EIPR1: variants seen among roughly 807,000 people sequenced by gnomAD.
EIPR1 encodes EARP complex and GARP complex interacting protein 1, also known as EARP and GARP complex-interacting protein 1.
A neutral mutation model predicts 48.1 loss-of-function variants in EIPR1; 25 were observed. The ratio of observed to expected loss-of-function variants is 0.52; its 90% CI spans 0.38 to 0.73. The LOEUF (loss-of-function observed/expected upper bound fraction) is 0.73, where lower values mean the gene tolerates loss of function less well. Among genes scored for constraint, EIPR1 ranks in the 30% least tolerant of loss-of-function variants. The probability of loss-of-function intolerance (pLI) is 0.00; values close to 1 mark genes in which losing one functional copy is unlikely to be tolerated. For synonymous variants in EIPR1, 204 were observed against 201.9 expected, an observed-to-expected ratio of 1.01 and a Z score of -0.09; for missense variants, 415 against 506.2, an observed-to-expected ratio of 0.82 and a Z score of 1.73.
intron 1 of EIPR1, among the ~76,000 whole-genome samples, chr2:3,367,632 T>C (rs1671006100): frequency 6.6e-6 from 1 of 152,212 alleles, no homozygotes; most frequent in Non-Finnish European, 1.5e-5. Context: ...TGGAATTCTT[T>C]CTAAGGATGC....
At chr2:3,359,120 T>G (rs547581053) in intron 1 of EIPR1, among the ~76,000 whole-genome samples, 9 of 152,254 alleles carry the variant, frequency 5.9e-5, no homozygotes, top group African/African-American at 2.2e-4. Flanking sequence ...TGATAGACGA[T>G]TAAGTATCAA....
chr2:3,352,580 C>T (rs1040965029), intron 2 of EIPR1, among the ~76,000 whole-genome samples: 1 of 152,268 alleles, frequency 6.6e-6, no homozygotes, highest in African/African-American at 2.4e-5. Flanking sequence ...AAAACAGATA[C>T]TCCTGCTGTT....
intron 3 of EIPR1, among the ~76,000 whole-genome samples, chr2:3,284,620 C>T (rs1252045867): frequency 6.6e-6 from 1 of 152,282 alleles, no homozygotes; most frequent in Non-Finnish European, 1.5e-5. Context: ...TGTCACTCCA[C>T]AAAGCAGATG....
chr2:3,315,087 G>A (rs532600845), intron 3 of EIPR1, among the ~76,000 whole-genome samples: 12 of 68,840 alleles, frequency 1.7e-4, no homozygotes, highest in South Asian at 1.7e-3. Context: ...CATCACCACC[G>A]CCATCCATAT....
At chr2:3,328,567 C>T (rs547970948) in intron 3 of EIPR1, among the ~76,000 whole-genome samples, 1 of 138,114 alleles carries the variant, frequency 7.2e-6, no homozygotes, top group South Asian at 2.6e-4. Flanking sequence ...CCAGCCTGGG[C>T]TCCCCTGGAT....
At chr2:3,325,444 CAG>C (rs1439053736) in intron 3 of EIPR1, among the ~76,000 whole-genome samples, 1 of 152,210 alleles carries the variant, frequency 6.6e-6, no homozygotes, top group Admixed American at 6.5e-5. Flanking sequence ...AAAGTCAAGA[CAG>C]TGAAGCGGTG....
In EIPR1 at chr2:3,199,068, C is replaced by A. The variant is rs1349287960; in HGVS notation, c.517-2051G>T. 1.4e-3 allele frequency among the ~76,000 whole-genome samples: 72 copies of A among 52,512 alleles called. 15 individuals carry two copies. In the East Asian group the frequency reaches 0.018, roughly 13 times the overall value. 34.4% of individuals were successfully genotyped at this position (52,512 alleles called of 152,430 possible). ...GAGTGGCCATTTTAGAGGGCCCCCC[C>A]CCCGCCCCGGGAATGCATTCTTTTC... On this transcript the variant is annotated intron_variant, in intron 5 of 8. Transcript: ENST00000382125.
intron 4 of EIPR1, among the ~76,000 whole-genome samples, chr2:3,231,483 T>C (rs745988640): frequency 2.0e-4 from 31 of 152,362 alleles, no homozygotes; most frequent in Middle Eastern, 6.8e-3. Flanking sequence ...ACATGCCATA[T>C]ATGGCTTTTA....
At chr2:3,249,855 C>T (rs946479361) in intron 4 of EIPR1, among the ~76,000 whole-genome samples, 19 of 152,302 alleles carry the variant, frequency 1.2e-4, no homozygotes, top group Admixed American at 5.2e-4. Flanking sequence ...GGTACAGTTC[C>T]GGCAGGTGCA....
At chr2:3,304,516 C>A (rs1210373863) in intron 3 of EIPR1, among the ~76,000 whole-genome samples, 1 of 7,922 alleles carries the variant, frequency 1.3e-4, no homozygotes. Context: ...GCCCTCCACT[C>A]CCGTCCAGTT....
At chr2:3,241,625 GGA>G (rs1666630824) in intron 4 of EIPR1, among the ~76,000 whole-genome samples, 1 of 152,138 alleles carries the variant, frequency 6.6e-6, no homozygotes, top group Non-Finnish European at 1.5e-5. Flanking sequence ...CCACTGAATT[GGA>G]GAGGACATAA....
At chr2:3,264,178 C>T (rs1386951084) in intron 3 of EIPR1, among the ~76,000 whole-genome samples, 2 of 152,312 alleles carry the variant, frequency 1.3e-5, no homozygotes, top group African/African-American at 2.4e-5. Context: ...TCTGTTATCA[C>T]CTGCTCTGCT....
intron 5 of EIPR1, chr2:3,208,990 C>T: frequency 6.8e-7 from 1 of 1,460,322 alleles, no homozygotes; most frequent in Admixed American, 2.7e-5. Context: ...CTCATATTAT[C>T]AAGGTCGCCA....
At chr2:3,358,851 G>A (rs911438283) in intron 1 of EIPR1, among the ~76,000 whole-genome samples, 4 of 152,180 alleles carry the variant, frequency 2.6e-5, no homozygotes, top group East Asian at 1.9e-4. Context: ...ATTTTCAAAT[G>A]CAGGACTGTG....
chr2:3,197,067 T>C, intron 5 of EIPR1, 50 bp from the exon 6 acceptor site: 1 of 1,606,016 alleles, frequency 6.2e-7, no homozygotes, highest in Non-Finnish European at 8.5e-7. Flanking sequence ...AAGAAGAATG[T>C]GAAGTCTGTT....
chr2:3,293,317 G>C (rs1182540085), intron 3 of EIPR1, among the ~76,000 whole-genome samples: 2 of 152,056 alleles, frequency 1.3e-5, no homozygotes, highest in Non-Finnish European at 2.9e-5. Flanking sequence ...GCTCCTCCAG[G>C]AGGCCCTTGG....
At chr2:3,374,791 A>G (rs1224626178) in intron 1 of EIPR1, among the ~76,000 whole-genome samples, 1 of 146,652 alleles carries the variant, frequency 6.8e-6, no homozygotes, top group Admixed American at 6.9e-5. Flanking sequence ...GGGACTGTAA[A>G]CTAGTTCAAC....
intron 3 of EIPR1, among the ~76,000 whole-genome samples, chr2:3,317,775 C>T (rs566537668): frequency 1.1e-4 from 17 of 152,252 alleles, no homozygotes; most frequent in Admixed American, 7.8e-4. Flanking sequence ...GAGAAAGAGA[C>T]GTGGGGTTTG....
intron 3 of EIPR1, among the ~76,000 whole-genome samples, chr2:3,317,860 G>A (rs939176639): frequency 2.0e-5 from 3 of 152,186 alleles, no homozygotes; most frequent in Admixed American, 6.5e-5. Flanking sequence ...ATAGCCTCAG[G>A]AGGACCAGCC....
Sources: allele counts gnomAD v4.1 joint callset (sites outside exome capture counted in the v4.1 genomes callset), GRCh38; gene constraint gnomAD v4.1.1; transcripts MANE v1.5; gene names NCBI Gene and HGNC (gene_info 2026-07-23, HGNC 2026-07-21).